Variants in PTPRM observed in about 807,000 individuals in gnomAD.
PTPRM encodes receptor-type tyrosine-protein phosphatase mu.
Under a neutral mutation model 186.7 loss-of-function variants are expected in PTPRM, and 47 were observed. The observed-to-expected ratio is 0.25, with a 90% CI of 0.20 to 0.32. The LOEUF (loss-of-function observed/expected upper bound fraction) is 0.32, where lower values mean the gene tolerates loss of function less well. PTPRM is among the 10% of genes least tolerant of loss of function. PTPRM has a pLI of 1.00. For missense variants in PTPRM, 1,494 were observed against 1,865.0 expected (o/e 0.80, Z 3.66); for synonymous variants, 668 against 674.9 (o/e 0.99, Z 0.16).
At chr18:8,159,875 C>G (rs944473422) in intron 14 of PTPRM, among the ~76,000 whole-genome samples, 1 of 151,994 alleles carries the variant, frequency 6.6e-6, no homozygotes, top group Non-Finnish European at 1.5e-5. Flanking sequence ...AAAAAAATTT[C>G]AGGGATGTAA....
At chr18:7,777,380 C>T (rs1488350901) in intron 2 of PTPRM, among the ~76,000 whole-genome samples, 1 of 152,090 alleles carries the variant, frequency 6.6e-6, no homozygotes, top group African/African-American at 2.4e-5. Flanking sequence ...ATGTGAAATT[C>T]AAAATGCAGC....
rs527990778 is a variant in PTPRM at position 8,143,352 on chromosome 18, A to G, written c.2168-295A>G. On this transcript the variant is annotated intron_variant, in intron 13 of 32. Coordinates refer to ENST00000580170, the MANE Select transcript of PTPRM (RefSeq NM_001105244.2). ...GCAGAAAGAGCAGGAGCCAATAGAG[A>G]TAATAAAATAATATTTTTCTAAAAA... is the stretch of plus-strand genomic sequence containing the variant. Among the ~76,000 whole-genome samples the G allele has an allele frequency of 5.9e-5, 9 of 152,224 alleles. No individual in the cohort carries two copies. In the East Asian group the frequency reaches 1.7e-3, roughly 29 times the overall value.
intron 14 of PTPRM, among the ~76,000 whole-genome samples, chr18:8,228,999 C>T (rs556390399): frequency 7.2e-5 from 11 of 152,028 alleles, no homozygotes; most frequent in Non-Finnish European, 1.5e-4. Flanking sequence ...ATGTGAGAGT[C>T]GTCACCAAGC....
At chr18:8,311,327 G>A (rs1289220068) in intron 20 of PTPRM, among the ~76,000 whole-genome samples, 1 of 151,586 alleles carries the variant, frequency 6.6e-6, no homozygotes, top group East Asian at 1.9e-4. Flanking sequence ...AAAAAAACCT[G>A]AAATTTAAAA....
chr18:7,853,042 A>G (rs2046941760), intron 2 of PTPRM, among the ~76,000 whole-genome samples: 1 of 152,200 alleles, frequency 6.6e-6, no homozygotes, highest in Non-Finnish European at 1.5e-5. Context: ...ACCCTTTTAA[A>G]TGTTTTCTAC....
intron 1 of PTPRM, among the ~76,000 whole-genome samples, chr18:7,750,257 CTGT>C (rs1230727513): frequency 6.6e-6 from 1 of 152,102 alleles, no homozygotes; most frequent in African/African-American, 2.4e-5. Context: ...CTTTTACATT[CTGT>C]TGTTTCATTT....
chr18:8,228,149 G>T (rs1376583515), intron 14 of PTPRM, among the ~76,000 whole-genome samples: 1 of 152,168 alleles, frequency 6.6e-6, no homozygotes, highest in African/African-American at 2.4e-5. Context: ...TCTATTTGCA[G>T]GTGGATATTG....
chr18:7,953,220 A>G (rs113345705), intron 6 of PTPRM, among the ~76,000 whole-genome samples: 3,296 of 152,294 alleles, frequency 0.022, 46 homozygotes, highest in African/African-American at 0.045. Context: ...ACTAGTTACA[A>G]TGTCTTAAAT....
At chr18:7,891,017 C>T (rs1326053840) in intron 3 of PTPRM, among the ~76,000 whole-genome samples, 6 of 152,120 alleles carry the variant, frequency 3.9e-5, no homozygotes, top group Non-Finnish European at 7.4e-5. Flanking sequence ...CGGCTCAAGC[C>T]TGTAATCCCA....
chr18:8,376,595 G>A lies in PTPRM; in HGVS notation c.3460G>A (p.Glu1154Lys). 1 of 1,611,866 alleles carries A rather than the reference G, an allele frequency of 6.2e-7. No individual in the cohort carries two copies. Among genetic ancestry groups the A allele is most frequent in the Non-Finnish European group, 8.5e-7 (1 of 1,179,130 alleles). The change falls in exon 26 of 33, where the codon GAG (glutamate) becomes AAG (lysine). Residue 1154 changes from glutamate (E) to lysine (K), a missense_variant and splice_region_variant. Around this residue, in one of 3 missense-constraint regions of PTPRM, gnomAD observed 1,107 missense variants for 1,350.2 expected, o/e 0.82. Coordinates refer to ENST00000580170, the MANE Select transcript of PTPRM (RefSeq NM_001105244.2). ...ACGGAGGGTGAACATGGTGCAAACA[G>A]AGGTACTCCCGCTCATCACCTAGCC... ...RSRRVNMVQT[E>K]EQYVFIHDAI...
At chr18:7,623,011 G>A (rs1011145610) in intron 1 of PTPRM, among the ~76,000 whole-genome samples, 3 of 152,178 alleles carry the variant, frequency 2.0e-5, no homozygotes, top group African/African-American at 7.2e-5. Flanking sequence ...TGATTTTTCT[G>A]TGATTCTGGG....
chr18:8,383,794 C>G lies in PTPRM; in HGVS notation c.3919-767C>G, dbSNP rs921105567. ...AACCTTGTCACAAAATAGCCTTATT[C>G]CCAATAGTGGTTATAAATCCACATG... is the stretch of plus-strand genomic sequence containing the variant. On this transcript the variant is annotated intron_variant, in intron 29 of 32. Coordinates refer to ENST00000580170, the MANE Select transcript of PTPRM (RefSeq NM_001105244.2). 4.0e-4 allele frequency among the ~76,000 whole-genome samples: 61 copies of G among 152,292 alleles called. No individual in the cohort carries two copies. The Middle Eastern group carries it at 0.014, about 34-fold the overall frequency.
chr18:7,824,667 A>G (rs1196508958), intron 2 of PTPRM, among the ~76,000 whole-genome samples: 1 of 152,152 alleles, frequency 6.6e-6, no homozygotes, highest in Non-Finnish European at 1.5e-5. Context: ...CCAGTTACTA[A>G]GATTAAAAGC....
At chr18:7,792,692 G>A (rs910381864) in intron 2 of PTPRM, among the ~76,000 whole-genome samples, 1 of 151,850 alleles carries the variant, frequency 6.6e-6, no homozygotes, top group African/African-American at 2.4e-5. Context: ...TTTGAGATAG[G>A]GTCTCATTCT....
rs141335207 is a variant in PTPRM, at chr18:8,039,746, T to A, written c.1133-29940T>A. Among the ~76,000 whole-genome samples, 245 of 152,292 alleles carry A rather than the reference T, an allele frequency of 1.6e-3. 2 individuals are homozygous for A. Among genetic ancestry groups the A allele is most frequent in the African/African-American group, 5.3e-3 (221 of 41,570 alleles). The stretch of plus-strand genomic sequence containing the variant: ...TAACTACATTCATCATGTTGTACAG[T>A]AGATCTCTTGCAGTTATTTCCCATG... On this transcript the variant is annotated intron_variant, in intron 7 of 32. Coordinates refer to ENST00000580170, the MANE Select transcript of PTPRM (RefSeq NM_001105244.2).
chr18:7,918,447 G>A (rs997515481), intron 4 of PTPRM, among the ~76,000 whole-genome samples: 1 of 152,140 alleles, frequency 6.6e-6, no homozygotes, highest in African/African-American at 2.4e-5. Flanking sequence ...GGAGTAATGT[G>A]ATAGCTCATT....
chr18:7,882,679 AGC>A (rs1329882029), intron 2 of PTPRM, among the ~76,000 whole-genome samples: 1 of 152,236 alleles, frequency 6.6e-6, no homozygotes, highest in Non-Finnish European at 1.5e-5. Flanking sequence ...GTATTGAAGA[AGC>A]CATGTAACTC....
At chr18:8,266,546 G>GGAAT (rs2094703104) in intron 19 of PTPRM, among the ~76,000 whole-genome samples, 1 of 152,070 alleles carries the variant, frequency 6.6e-6, no homozygotes. Flanking sequence ...GAAAAGAAAG[G>GGAAT]GAATATGCTG....
chr18:8,253,362 A>C lies in PTPRM; in HGVS notation c.2702A>C (p.His901Pro). Reference protein sequence around the residue: ...PAIRVADLLQHITQMKCAEGY... With the variant: ...PAIRVADLLQPITQMKCAEGY... ...ATCCGGGTGGCAGACCTCCTTCAGC[A>C]CATCACACAGATGAAGTGTGCGGAG... is the stretch of plus-strand genomic sequence containing the variant. Residue 901 changes from histidine to proline, a missense_variant, in exon 19 of 33, where the codon CAC (histidine) becomes CCC (proline). His to Pro is a moderately conservative substitution (Grantham distance 77). Around this residue, in one of 3 missense-constraint regions of PTPRM, gnomAD observed 1,107 missense variants for 1,350.2 expected, o/e 0.82. Transcript: ENST00000580170. The C allele has an allele frequency of 6.3e-7, 1 of 1,593,046 alleles. No homozygotes were observed. Among genetic ancestry groups the C allele is most frequent in the Non-Finnish European group, 8.5e-7 (1 of 1,169,980 alleles).
Sources: gnomAD v4.1 joint callset for allele counts (sites outside exome capture counted in the v4.1 genomes callset) on GRCh38, gnomAD v4.1.1 for gene constraint, gnomAD v4.1.1 regional missense constraint, MANE v1.5 for transcripts, NCBI Gene and HGNC (gene_info 2026-07-23, HGNC 2026-07-21) for gene names.